The following PBX1 variants were observed in gnomAD, a reference collection of about 807,000 sequenced individuals.
PBX1 encodes pre-B-cell leukemia transcription factor 1.
A neutral mutation model predicts 53.4 loss-of-function variants in PBX1; 6 were observed. That is an observed-to-expected ratio of 0.11 (90% CI 0.06 to 0.22). The LOEUF (loss-of-function observed/expected upper bound fraction) is 0.22, where lower values mean the gene tolerates loss of function less well. PBX1 is among the 10% of genes least tolerant of loss of function. The pLI is 1.00. For missense variants in PBX1, 251 were observed against 551.4 expected, an observed-to-expected ratio of 0.46 and a Z score of 5.46; for synonymous variants, 204 against 212.3, an observed-to-expected ratio of 0.96 and a Z score of 0.34.
chr1:164,884,500 G>T (rs1379021553), intron 2 of PBX1: 2 of 488,456 alleles, frequency 4.1e-6, no homozygotes, highest in Non-Finnish European at 8.1e-6. Context: ...GATAGGGGGT[G>T]TTAAAGTTGT....
chr1:164,710,199 CTG>C (rs1663672861), intron 2 of PBX1, among the ~76,000 whole-genome samples: 2 of 152,154 alleles, frequency 1.3e-5, no homozygotes, highest in Non-Finnish European at 2.9e-5. Context: ...GAATTTGAAA[CTG>C]ATGTCAAAAG....
chr1:164,762,748 A>C (rs2102225583), intron 2 of PBX1, among the ~76,000 whole-genome samples: 1 of 152,354 alleles, frequency 6.6e-6, no homozygotes, highest in African/African-American at 2.4e-5. Flanking sequence ...TTTTCTAGGA[A>C]CACAACAATT....
chr1:164,789,245 G>A (rs1257270514), intron 2 of PBX1, among the ~76,000 whole-genome samples: 1 of 152,146 alleles, frequency 6.6e-6, no homozygotes, highest in Non-Finnish European at 1.5e-5. Flanking sequence ...TTAATTAGGA[G>A]GTGTGTAGAG....
chr1:164,754,691 G>T (rs1666415368), intron 2 of PBX1, among the ~76,000 whole-genome samples: 1 of 151,944 alleles, frequency 6.6e-6, no homozygotes, highest in Non-Finnish European at 1.5e-5. Context: ...GTGCGTGCGT[G>T]TGTGTGTGTG....
chr1:164,680,713 T>A (rs1431018126), intron 2 of PBX1: 1 of 152,246 alleles, frequency 6.6e-6, no homozygotes, highest in African/African-American at 2.4e-5. Flanking sequence ...GTGAACTGAA[T>A]CTGCTTCAGT....
chr1:164,738,838 T>C (rs1203281168), intron 2 of PBX1, among the ~76,000 whole-genome samples: 1 of 152,180 alleles, frequency 6.6e-6, no homozygotes, highest in Admixed American at 6.5e-5. Context: ...AGAAAACTAC[T>C]TTGCGAGGTT....
At chr1:164,626,020 T>C (rs761107064) in intron 2 of PBX1, 55 of 1,041,972 alleles carry the variant, frequency 5.3e-5, no homozygotes, top group Non-Finnish European at 6.0e-5. Flanking sequence ...TACTCTCCTC[T>C]GCTTCTACCT....
intron 2 of PBX1, among the ~76,000 whole-genome samples, chr1:164,567,597 G>A (rs1036117422): frequency 6.6e-6 from 1 of 152,162 alleles, no homozygotes; most frequent in African/African-American, 2.4e-5. Flanking sequence ...TTATTATAAT[G>A]TGGATATAAG....
intron 2 of PBX1, among the ~76,000 whole-genome samples, chr1:164,760,288 C>T (rs912935499): frequency 2.6e-5 from 4 of 151,990 alleles, no homozygotes; most frequent in Non-Finnish European, 4.4e-5. Context: ...TTATATGAAG[C>T]AAAATATGAG....
At chr1:164,843,085 G>A (rs1049040014) in intron 8 of PBX1, among the ~76,000 whole-genome samples, 1 of 152,034 alleles carries the variant, frequency 6.6e-6, no homozygotes, top group African/African-American at 2.4e-5. Context: ...TTCCCAAGAC[G>A]GTGCAGCCTC....
chr1:164,851,686 G>A lies in PBX1; in HGVS notation c.*5010G>A, dbSNP rs566559122. ...AAAGTTTAAGCTTTTCTGCTTCTGTGAGAGCACAGGCTTCTGTCCCTTTTG... is the reference window on the plus strand; with the variant it reads ...AAAGTTTAAGCTTTTCTGCTTCTGTAAGAGCACAGGCTTCTGTCCCTTTTG... On this transcript the variant is annotated 3_prime_UTR_variant, in exon 9 of 9. Coordinates refer to ENST00000420696, the MANE Select transcript of PBX1 (RefSeq NM_002585.4). 147 of 182,388 alleles carry A rather than the reference G, an allele frequency of 8.1e-4. No individual in the cohort carries two copies. The highest frequency in any genetic ancestry group is 3.3e-3 in the African/African-American group (139 of 42,584). The allele number at this position is 182,388 out of a possible 1,614,324, so 11.3% of individuals were successfully genotyped here.
In PBX1 at chr1:164,758,237, GTTGA is replaced by G. The variant is rs1231679904; in HGVS notation, c.266-34254_266-34251del. Among the ~76,000 whole-genome samples the G allele has an allele frequency of 5.9e-5, 9 of 152,274 alleles. No homozygotes were observed. The South Asian group carries it at 6.2e-4, about 11-fold the overall frequency. On this transcript the variant is annotated intron_variant, in intron 2 of 8. Transcript: ENST00000420696. Reference sequence around the variant, plus strand: ...CGGAACGTTGTGTTCACAAAATACTGTTGATTATTTTACCACTTCAATGGTTGTT... The same window carrying G: ...CGGAACGTTGTGTTCACAAAATACTGTTATTTTACCACTTCAATGGTTGTT...
At chr1:164,774,021 G>A (rs1667523803) in intron 2 of PBX1, among the ~76,000 whole-genome samples, 1 of 152,188 alleles carries the variant, frequency 6.6e-6, no homozygotes, top group Non-Finnish European at 1.5e-5. Flanking sequence ...TAAGAGAAAA[G>A]GATAGATGGC....
chr1:164,714,813 C>T (rs1663994746), intron 2 of PBX1, among the ~76,000 whole-genome samples: 3 of 152,094 alleles, frequency 2.0e-5, no homozygotes, highest in Admixed American at 2.0e-4. Flanking sequence ...GTATTAGAAC[C>T]CAAGAAAGGG....
intron 2 of PBX1, among the ~76,000 whole-genome samples, chr1:164,606,015 C>CT (rs1242317499): frequency 6.6e-6 from 1 of 152,150 alleles, no homozygotes; most frequent in Non-Finnish European, 1.5e-5. Flanking sequence ...GAGTTGCACT[C>CT]TCTATTTTTA....
At chr1:164,623,014 C>T (rs1193735139) in intron 2 of PBX1, among the ~76,000 whole-genome samples, 2 of 152,024 alleles carry the variant, frequency 1.3e-5, no homozygotes, top group Admixed American at 6.6e-5. Context: ...TGAGTTTTGC[C>T]GTGTTGGCCA....
chr1:164,859,569 T>C lies in PBX1; in HGVS notation n.257+28086T>C, dbSNP rs144181113. On this transcript the variant is annotated intron_variant and non_coding_transcript_variant, in intron 2 of 2. Transcript: ENST00000558796. ...CTCCCTCTTTGGGACTTTCTATGCA[T>C]TGCCAATACCCCCTCTATGCAAATA... Among the ~76,000 whole-genome samples the C allele has an allele frequency of 8.5e-3, 1,292 of 152,324 alleles. 8 individuals carry two copies. Among genetic ancestry groups the C allele is most frequent in the Admixed American group, 0.012 (189 of 15,298 alleles).
At chr1:164,727,821 C>T (rs1664777519) in intron 2 of PBX1, among the ~76,000 whole-genome samples, 1 of 152,234 alleles carries the variant, frequency 6.6e-6, no homozygotes, top group Non-Finnish European at 1.5e-5. Context: ...CAGTACTCCC[C>T]TCTCCCAACC....
chr1:164,808,083 G>T (rs982071721), intron 5 of PBX1, among the ~76,000 whole-genome samples: 3 of 152,072 alleles, frequency 2.0e-5, no homozygotes, highest in Non-Finnish European at 2.9e-5. Context: ...GTCAGTGAAT[G>T]GAACTAGTTG....
Sources: allele counts gnomAD v4.1 joint callset (sites outside exome capture counted in the v4.1 genomes callset), GRCh38; gene constraint gnomAD v4.1.1; transcripts MANE v1.5; gene names NCBI Gene and HGNC (gene_info 2026-07-23, HGNC 2026-07-21).